Variants in SIPA1L2 observed in about 807,000 individuals in gnomAD.
SIPA1L2 encodes the protein signal-induced proliferation-associated 1-like protein 2.
In SIPA1L2, 56 loss-of-function variants were observed where a neutral mutation model predicts 163.9. That is an observed-to-expected ratio of 0.34 (90% CI 0.28 to 0.43). The LOEUF (loss-of-function observed/expected upper bound fraction) is 0.43, where lower values mean the gene tolerates loss of function less well. Ranked by LOEUF, SIPA1L2 falls within the 20% of genes least tolerant of loss-of-function variation. The probability of loss-of-function intolerance (pLI) is 1.00; values close to 1 mark genes in which losing one functional copy is unlikely to be tolerated. For missense variants in SIPA1L2, 1,974 were observed against 2,193.5 expected (o/e 0.90, Z 2.00); for synonymous variants, 877 against 865.7 (o/e 1.01, Z -0.23).
rs145988991 is a variant in SIPA1L2, at chr1:232,422,517, G to A, written c.4630+3072C>T. ...ACTGGGAAGAGATGGGCAGTTACTG[G>A]TGCTTTGCCCTGCTACCCTCCCTCC... On this transcript the variant is annotated intron_variant, in intron 18 of 22. Transcript: ENST00000674635. Among the ~76,000 whole-genome samples, 165 of 152,302 alleles carry A rather than the reference G, an allele frequency of 1.1e-3. 2 individuals carry two copies. The highest frequency in any genetic ancestry group is 8.5e-4 in the Admixed American group (13 of 15,298).
intron 11 of SIPA1L2, among the ~76,000 whole-genome samples, chr1:232,443,919 G>C (rs1042339853): frequency 2.0e-5 from 3 of 152,262 alleles, no homozygotes; most frequent in South Asian, 2.1e-4. Context: ...GGTATGACAG[G>C]ACAGGCCCTC....
At chr1:232,427,493 G>C (rs903121111) in intron 17 of SIPA1L2, among the ~76,000 whole-genome samples, 2 of 152,172 alleles carry the variant, frequency 1.3e-5, no homozygotes, top group Admixed American at 1.3e-4. Context: ...GAACAAGAGG[G>C]AGTGCTGGAT....
chr1:232,572,694 C>CAT (rs61685621), intron 2 of SIPA1L2, among the ~76,000 whole-genome samples: 3,196 of 100,850 alleles, frequency 0.032, 43 homozygotes, highest in Non-Finnish European at 0.051. Flanking sequence ...CATATACATA[C>CAT]ATATATATAT....
intron 5 of SIPA1L2, among the ~76,000 whole-genome samples, chr1:232,486,851 C>T (rs1034342012): frequency 1.3e-5 from 2 of 152,208 alleles, no homozygotes; most frequent in Admixed American, 1.3e-4. Flanking sequence ...AGGCTAGCAA[C>T]ATACTTCTTC....
In SIPA1L2 at chr1:232,425,700, A is replaced by G; in HGVS notation, c.4519T>C (p.Ser1507Pro). ...RGSSFGSSRSSVLDQALPNDI... is the reference protein window; with the variant it reads ...RGSSFGSSRSPVLDQALPNDI... ...TTGGGCAGGGCCTGGTCAAGCACGG[A>G]ACTCCGGGAACTGCCAAAGGAGGAC... The change falls in exon 18 of 23, where the codon TCC becomes CCC. Residue 1507 changes from serine to proline, a missense_variant. Ser to Pro is a moderately conservative substitution (Grantham distance 74). Coordinates refer to ENST00000674635, the MANE Select transcript of SIPA1L2 (RefSeq NM_020808.5). 3.7e-6 allele frequency: 6 copies of G among 1,614,060 alleles called. No individual in the cohort carries two copies. The highest frequency in any genetic ancestry group is 3.4e-6 in the Non-Finnish European group (4 of 1,180,000).
At chr1:232,604,922 C>T (rs1661815654) in intron 1 of SIPA1L2, among the ~76,000 whole-genome samples, 1 of 152,174 alleles carries the variant, frequency 6.6e-6, no homozygotes, top group South Asian at 2.1e-4. Context: ...AGATGGCCAG[C>T]ATCATGCTTC....
chr1:232,546,919 G>A (rs1658064191), intron 2 of SIPA1L2, among the ~76,000 whole-genome samples: 2 of 152,198 alleles, frequency 1.3e-5, no homozygotes, highest in African/African-American at 4.8e-5. Context: ...TCTGCCAGGT[G>A]GAGAGAAGAG....
At chr1:232,413,375 T>C (rs1284792063) in intron 19 of SIPA1L2, among the ~76,000 whole-genome samples, 1 of 152,198 alleles carries the variant, frequency 6.6e-6, no homozygotes, top group Non-Finnish European at 1.5e-5. Context: ...ATTCAGTCCA[T>C]GCACCATTTT....
chr1:232,506,390 A>G (rs1666732920), intron 3 of SIPA1L2, among the ~76,000 whole-genome samples: 1 of 152,138 alleles, frequency 6.6e-6, no homozygotes, highest in Admixed American at 6.5e-5. Flanking sequence ...ATTTGCCCCA[A>G]ATTGAGTTGG....
intron 2 of SIPA1L2, among the ~76,000 whole-genome samples, chr1:232,562,995 T>C (rs2102749978): frequency 6.6e-6 from 1 of 152,366 alleles, no homozygotes; most frequent in South Asian, 2.1e-4. Context: ...CAAACCACTG[T>C]ATTTTTAAGC....
intron 5 of SIPA1L2, among the ~76,000 whole-genome samples, chr1:232,486,360 C>T (rs2102984682): frequency 6.6e-6 from 1 of 152,316 alleles, no homozygotes; most frequent in Non-Finnish European, 1.5e-5. Context: ...CAACTTCACA[C>T]CCCTCTCTTC....
intron 2 of SIPA1L2, among the ~76,000 whole-genome samples, chr1:232,540,777 T>A (rs1250317777): frequency 1.3e-5 from 2 of 152,150 alleles, no homozygotes; most frequent in Admixed American, 1.3e-4. Flanking sequence ...AATACGGTGA[T>A]AAAATTTAAA....
In SIPA1L2 at chr1:232,577,859, T is replaced by C. The variant is rs375378742; in HGVS notation, c.-318-3637A>G. On this transcript the variant is annotated intron_variant, in intron 1 of 22. Coordinates refer to ENST00000674635, the MANE Select transcript of SIPA1L2 (RefSeq NM_020808.5). ...ATGGAGGTGAAGATGATATGAACAT[T>C]GTTGCAAAGGATTTAGGAAATTACA... Among the ~76,000 whole-genome samples, 297 of 152,306 alleles carry C rather than the reference T, an allele frequency of 2.0e-3. 1 individual carries two copies. Among genetic ancestry groups the C allele is most frequent in the African/African-American group, 4.8e-3 (198 of 41,562 alleles).
In SIPA1L2 at chr1:232,398,854, G is replaced by C; in HGVS notation, c.*273C>G. 1 of 390,602 alleles carries C rather than the reference G, an allele frequency of 2.6e-6. No homozygotes were observed. The highest frequency in any genetic ancestry group is 4.7e-6 in the Non-Finnish European group (1 of 212,588). 24.2% of individuals were successfully genotyped at this position (390,602 alleles called of 1,614,324 possible). ...CAAGCCAGAGCACTGTTTTAGCAGA[G>C]TCTAAAAGAAAAAGGTCTCAACTGT... On this transcript the variant is annotated 3_prime_UTR_variant, in exon 23 of 23. Coordinates refer to ENST00000674635, the MANE Select transcript of SIPA1L2 (RefSeq NM_020808.5).
chr1:232,449,397 G>A (rs568984185), intron 10 of SIPA1L2, among the ~76,000 whole-genome samples: 12 of 151,716 alleles, frequency 7.9e-5, no homozygotes, highest in South Asian at 2.1e-4. Flanking sequence ...GGGCGTCTGT[G>A]GTCCCAGCTA....
At chr1:232,618,426 C>A (rs536556713) in intron 1 of SIPA1L2, among the ~76,000 whole-genome samples, 2 of 152,072 alleles carry the variant, frequency 1.3e-5, no homozygotes, top group Non-Finnish European at 1.5e-5. Flanking sequence ...GAGGCCAAGG[C>A]GGGTGGATCA....
Position 232,461,053 on chromosome 1 carries a change from A to G in SIPA1L2, c.2929T>C (p.Phe977Leu), listed in dbSNP as rs746856724. Residue 977 changes from phenylalanine to leucine, a missense_variant, in exon 10 of 23, where the codon TTT (phenylalanine) becomes CTT (leucine). Phe to Leu is a conservative substitution (Grantham distance 22, BLOSUM62 0). This residue lies in a region of SIPA1L2 where 1,079 missense variants were observed against 1,150.7 expected (regional missense o/e 0.94). Transcript: ENST00000674635. ...FEGIVADVEPFGFAWKAGLRQ... is the reference protein window; with the variant it reads ...FEGIVADVEPLGFAWKAGLRQ... ...AGGCCAGCCTTCCAGGCAAAGCCAA[A>G]AGGTTCCACATCTGCGACAATTCCT... 3.1e-6 allele frequency: 5 copies of G among 1,614,172 alleles called. No homozygotes were observed. Among genetic ancestry groups the G allele is most frequent in the Non-Finnish European group, 4.2e-6 (5 of 1,180,062 alleles).
At chr1:232,623,715 C>T (rs1454472711) in intron 1 of SIPA1L2, among the ~76,000 whole-genome samples, 2 of 152,078 alleles carry the variant, frequency 1.3e-5, no homozygotes, top group Non-Finnish European at 1.5e-5. Context: ...ATAAATGAAA[C>T]CCCAAACCAA....
intron 3 of SIPA1L2, among the ~76,000 whole-genome samples, chr1:232,504,131 G>C (rs970307572): frequency 6.6e-6 from 1 of 152,102 alleles, no homozygotes; most frequent in Non-Finnish European, 1.5e-5. Flanking sequence ...GAACCCAGGA[G>C]GCAGAGGTTG....
Sources: allele counts gnomAD v4.1 joint callset (sites outside exome capture counted in the v4.1 genomes callset), GRCh38; gene constraint gnomAD v4.1.1; regional missense constraint gnomAD v4.1.1; transcripts MANE v1.5; gene names NCBI Gene and HGNC (gene_info 2026-07-23, HGNC 2026-07-21).